SPATA21: variants seen among roughly 807,000 people sequenced by gnomAD.
SPATA21 encodes the protein spermatogenesis associated 21, also known as spermatogenesis-associated protein 21.
SPATA21 carries 47 observed loss-of-function variants against 54.8 expected under a neutral mutation model. That is an observed-to-expected ratio of 0.86 (90% CI 0.68 to 1.09). The LOEUF (loss-of-function observed/expected upper bound fraction) is 1.09. Among genes scored for constraint, SPATA21 ranks in the 50% least tolerant of loss-of-function variants. SPATA21 has a pLI of 0.00. For missense variants in SPATA21, 599 were observed against 596.4 expected, an observed-to-expected ratio of 1.00 and a Z score of -0.05; for synonymous variants, 245 against 235.3, an observed-to-expected ratio of 1.04 and a Z score of -0.38.
intron 3 of SPATA21, among the ~76,000 whole-genome samples, chr1:16,430,438 T>TAAAC (rs928605298): frequency 2.0e-5 from 3 of 151,870 alleles, no homozygotes; most frequent in African/African-American, 4.8e-5. Flanking sequence ...GTCTCAAAAA[T>TAAAC]AAACAAACAA....
rs954937581 is a variant in SPATA21, at chr1:16,428,789, G to A, written c.34+2549C>T. ...CGGAGTCAGCAAACTCCAAACAAAT[G>A]GACTTAATTAACTCATTGACATTGA... On this transcript the variant is annotated intron_variant, in intron 3 of 12. Transcript: ENST00000335496. The surrounding 1 kb of genome is among the most constrained non-coding windows in gnomAD (Gnocchi z 4.3). 6.6e-6 allele frequency among the ~76,000 whole-genome samples: 1 copy of A among 152,140 alleles called. No homozygotes were observed. Among genetic ancestry groups the A allele is most frequent in the African/African-American group, 2.4e-5 (1 of 41,430 alleles).
Position 16,428,342 on chromosome 1 carries a change from C to T in SPATA21, c.34+2996G>A, listed in dbSNP as rs1215985413. On this transcript the variant is annotated intron_variant, in intron 3 of 12. Coordinates refer to ENST00000335496, the MANE Select transcript of SPATA21 (RefSeq NM_198546.1). This position sits in a 1 kb window ranked among gnomAD's most constrained non-coding sequence, Gnocchi z 4.3. ...GACTCTCACAAGGTCCAAGAGACGC[C>T]TTCAACAATTCCCATGCCTTCAAAA... Among the ~76,000 whole-genome samples, 4 of 152,320 alleles carry T rather than the reference C, an allele frequency of 2.6e-5. No individual in the cohort carries two copies. Among genetic ancestry groups the T allele is most frequent in the Admixed American group, 2.6e-4 (4 of 15,296 alleles).
chr1:16,421,581 G>T lies in SPATA21; in HGVS notation c.96-24C>A. ...CCCTGAATAGAAGAGAAACCCCCAGGTGGGGGAAGCGCTCAGCTGAAGGTT... is the reference window on the plus strand; with the variant it reads ...CCCTGAATAGAAGAGAAACCCCCAGTTGGGGGAAGCGCTCAGCTGAAGGTT... On this transcript the variant is annotated intron_variant, in intron 4 of 12. Coordinates refer to ENST00000335496, the MANE Select transcript of SPATA21 (RefSeq NM_198546.1). The surrounding 1 kb of genome is among the most constrained non-coding windows in gnomAD (Gnocchi z 5.2). 1 of 1,610,200 alleles carries T rather than the reference G, an allele frequency of 6.2e-7. No homozygotes were observed. The highest frequency in any genetic ancestry group is 8.5e-7 in the Non-Finnish European group (1 of 1,178,400).
Position 16,409,062 on chromosome 1 carries a change from C to T in SPATA21, c.673+56G>A, listed in dbSNP as rs1027533448. 1 of 1,592,566 alleles carries T rather than the reference C, an allele frequency of 6.3e-7. No homozygotes were observed. The highest frequency in any genetic ancestry group is 1.1e-5 in the South Asian group (1 of 90,622). ...CCAGTCCGCCCTGCGCCTATAAACC[C>T]CCAAGGACCAAGGGTCCTGCCTGTG... On this transcript the variant is annotated intron_variant, in intron 7 of 12. Transcript: ENST00000335496. This position sits in a 1 kb window ranked among gnomAD's most constrained non-coding sequence, Gnocchi z 4.1.
In SPATA21 at chr1:16,409,718, G is replaced by A. The variant is rs565795315; in HGVS notation, c.470C>T (p.Pro157Leu). 2.1e-5 allele frequency: 34 copies of A among 1,612,062 alleles called. No homozygotes were observed. The highest frequency in any genetic ancestry group is 2.1e-4 in the South Asian group (19 of 90,800). Reference protein sequence around the residue: ...PGPEPAPMGAPVPTSMPCPVL... With the variant: ...PGPEPAPMGALVPTSMPCPVL... The stretch of plus-strand genomic sequence containing the variant: ...AGGGCAAGGCATGGAGGTGGGGACC[G>A]GGGCTCCCATGGGGGCAGGTTCTGG... Residue 157 changes from proline to leucine, a missense_variant, in exon 6 of 13, where the codon CCG becomes CTG. By Grantham distance (98) the Pro-to-Leu change is moderately conservative. Coordinates refer to ENST00000335496, the MANE Select transcript of SPATA21 (RefSeq NM_198546.1). This position sits in a 1 kb window ranked among gnomAD's most constrained non-coding sequence, Gnocchi z 4.1.
intron 10 of SPATA21, among the ~76,000 whole-genome samples, chr1:16,402,606 GA>G (rs1284620926): frequency 8.6e-6 from 1 of 116,758 alleles, no homozygotes; most frequent in African/African-American, 2.8e-5. Flanking sequence ...ACCAAGGCTG[GA>G]GTGCAGTGGT....
upstream of SPATA21, among the ~76,000 whole-genome samples, chr1:16,437,687 AC>A (rs2100927150): frequency 6.6e-6 from 1 of 151,996 alleles, no homozygotes; most frequent in South Asian, 2.1e-4. Context: ...CATCCCAGTG[AC>A]CCCAGTACTC....
At chr1:16,403,634 A>G (rs988120068) in intron 10 of SPATA21, 93 bp downstream of exon 10, 2 of 1,133,890 alleles carry the variant, frequency 1.8e-6, no homozygotes, top group Non-Finnish European at 2.7e-6. Context: ...CTTGTGACTA[A>G]AAGTCGTAAC....
At position 16,410,488 on chromosome 1, in the gene SPATA21, G is replaced by A. The variant is rs371863164; in HGVS notation, c.145-445C>T. Among the ~76,000 whole-genome samples, 9 of 151,490 alleles carry A rather than the reference G, an allele frequency of 5.9e-5. No homozygotes were observed. The South Asian group carries it at 1.9e-3, about 32-fold the overall frequency. Reference sequence around the variant, plus strand: ...TGCAGTGGTGTGATCTTGGCTCACAGCAACCTCCACCTCCCAGGTTCAAGC... The same window carrying A: ...TGCAGTGGTGTGATCTTGGCTCACAACAACCTCCACCTCCCAGGTTCAAGC... On this transcript the variant is annotated intron_variant, in intron 5 of 12. Transcript: ENST00000335496.
In SPATA21 at chr1:16,431,354, G is replaced by A. The variant is rs933524118; in HGVS notation, c.18C>T (p.Thr6=). 1 of 1,614,046 alleles carries A rather than the reference G, an allele frequency of 6.2e-7. No homozygotes were observed. Among genetic ancestry groups the A allele is most frequent in the Admixed American group, 1.7e-5 (1 of 60,002 alleles). The change falls in exon 3 of 13, where the codon ACC becomes ACT. Residue 6 remains threonine (T), a synonymous_variant. Coordinates refer to ENST00000335496, the MANE Select transcript of SPATA21 (RefSeq NM_198546.1). The stretch of plus-strand genomic sequence containing the variant: ...TGGTTCTACCCTCCGTGTACATCTG[G>A]GTGTTTCTATTGTCCATGATGCCAG... MDNRN[T]QMYTEEEKTV... is the part of the protein sequence containing the mutation.
intron 3 of SPATA21, among the ~76,000 whole-genome samples, chr1:16,425,896 G>C (rs1051344976): frequency 6.6e-5 from 10 of 152,128 alleles, no homozygotes; most frequent in African/African-American, 1.9e-4. Context: ...GTCAATGTTT[G>C]GGGGAGTTAA....
chr1:16,409,188 C>T lies in SPATA21; in HGVS notation c.603G>A (p.Glu201=). The change falls in exon 7 of 13, where the codon GAG becomes GAA. Residue 201 remains glutamate (E), a synonymous_variant. Coordinates refer to ENST00000335496, the MANE Select transcript of SPATA21 (RefSeq NM_198546.1). This position sits in a 1 kb window ranked among gnomAD's most constrained non-coding sequence, Gnocchi z 4.1. ...SYAKARQEPE[E]QSLQKLYQNR... is the part of the protein sequence containing the mutation. Reference sequence around the variant, plus strand: ...TTTGATAAAGCTTTTGGAGGCTCTGCTCTTCCGGCTCCTGCCTGCAGAGGA... The same window carrying T: ...TTTGATAAAGCTTTTGGAGGCTCTGTTCTTCCGGCTCCTGCCTGCAGAGGA... The T allele has an allele frequency of 1.2e-6, 2 of 1,614,154 alleles. No individual in the cohort carries two copies. Among genetic ancestry groups the T allele is most frequent in the Non-Finnish European group, 1.7e-6 (2 of 1,180,014 alleles).
Position 16,409,178 on chromosome 1 carries a change from G to A in SPATA21, c.613C>T (p.Gln205Ter). 1 of 1,614,140 alleles carries A rather than the reference G, an allele frequency of 6.2e-7. No individual in the cohort carries two copies. Among genetic ancestry groups the A allele is most frequent in the South Asian group, 1.1e-5 (1 of 91,076 alleles). ...ARQEPEEQSL[Q>*]KLYQNREKSE... ...TTCTCCCGGTTTTGATAAAGCTTTTGGAGGCTCTGCTCTTCCGGCTCCTGC... is the reference window on the plus strand; with the variant it reads ...TTCTCCCGGTTTTGATAAAGCTTTTAGAGGCTCTGCTCTTCCGGCTCCTGC... The change falls in exon 7 of 13, where the codon CAA becomes TAA. Residue 205 changes from glutamine to a stop codon, truncating the protein, a stop_gained. Transcript: ENST00000335496. LOFTEE classifies it high-confidence loss of function. This position sits in a 1 kb window ranked among gnomAD's most constrained non-coding sequence, Gnocchi z 4.1.
intron 5 of SPATA21, among the ~76,000 whole-genome samples, chr1:16,414,183 A>G (rs2085934321): frequency 6.6e-6 from 1 of 151,876 alleles, no homozygotes; most frequent in Non-Finnish European, 1.5e-5. Flanking sequence ...CTCGTGCCTC[A>G]GCCTCCCGAG....
intron 2 of SPATA21, among the ~76,000 whole-genome samples, chr1:16,432,561 C>T (rs2086486336): frequency 6.6e-6 from 1 of 152,130 alleles, no homozygotes; most frequent in Non-Finnish European, 1.5e-5. Context: ...AGCCTCTGTG[C>T]CCACCTCCCA....
chr1:16,403,483 C>CTTTTCT (rs2085517568), intron 10 of SPATA21, among the ~76,000 whole-genome samples: 8 of 117,116 alleles, frequency 6.8e-5, no homozygotes, highest in Non-Finnish European at 9.4e-5. Flanking sequence ...TAGTTTTTTT[C>CTTTTCT]TTTTTTTTCT....
At chr1:16,435,092 A>C (rs1481531913) in intron 1 of SPATA21, among the ~76,000 whole-genome samples, 7 of 152,100 alleles carry the variant, frequency 4.6e-5, no homozygotes. Flanking sequence ...CCTCAGCTCA[A>C]GGGATCCTCC....
At chr1:16,416,003 TCTCTGAGCCCCTTC>T (rs1310166351) in intron 5 of SPATA21, among the ~76,000 whole-genome samples, 1 of 152,076 alleles carries the variant, frequency 6.6e-6, no homozygotes, top group Non-Finnish European at 1.5e-5. Context: ...CCTTCTGCCT[TCTCTGAGCCCCTTC>T]CACCTGGCAC....
chr1:16,409,458 G>T lies in SPATA21; in HGVS notation c.587+143C>A. ...GAGGAGGCAGAGACATGGGAGATGC[G>T]GAGAGGAGACACATGAGGAGAAATG... On this transcript the variant is annotated intron_variant, in intron 6 of 12. Coordinates refer to ENST00000335496, the MANE Select transcript of SPATA21 (RefSeq NM_198546.1). This position sits in a 1 kb window ranked among gnomAD's most constrained non-coding sequence, Gnocchi z 4.1. 1 of 944,492 alleles carries T rather than the reference G, an allele frequency of 1.1e-6. No homozygotes were observed. The highest frequency in any genetic ancestry group is 1.6e-6 in the Non-Finnish European group (1 of 638,974). The allele number at this position is 944,492 out of a possible 1,614,324, so 58.5% of individuals were successfully genotyped here.
Sources: gnomAD v4.1 joint callset for allele counts (sites outside exome capture counted in the v4.1 genomes callset) on GRCh38, gnomAD v4.1.1 for gene constraint, Gnocchi (gnomAD v3.1) non-coding constraint, MANE v1.5 for transcripts, NCBI Gene and HGNC (gene_info 2026-07-23, HGNC 2026-07-21) for gene names.